ABCB1: variants seen among roughly 807,000 people sequenced by gnomAD.
ABCB1 encodes the protein ATP binding cassette subfamily B member 1, also known as ATP-dependent translocase ABCB1.
A neutral mutation model predicts 142.0 loss-of-function variants in ABCB1; 69 were observed. The observed-to-expected ratio is 0.49, with a 90% CI of 0.40 to 0.59. ABCB1 has a LOEUF of 0.59. Ranked by LOEUF, ABCB1 falls within the 20% of genes least tolerant of loss-of-function variation. The probability of loss-of-function intolerance (pLI) is 0.00; values close to 1 mark genes in which losing one functional copy is unlikely to be tolerated. For synonymous variants in ABCB1, 532 were observed against 539.2 expected (o/e 0.99, Z 0.18); for missense variants, 1,326 against 1,554.7 (o/e 0.85, Z 2.47).
chr7:87,534,929 A>C lies in ABCB1; in HGVS notation c.2481+1529T>G, dbSNP rs1350975864. ...GACCCTGTCTCTTTAAAAAAAAAAA[A>C]AAAAAAAAAAACTCCATTTTTTTTT... On this transcript the variant is annotated intron_variant, in intron 20 of 27. Transcript: ENST00000622132. 5.6e-5 allele frequency among the ~76,000 whole-genome samples: 8 copies of C among 142,100 alleles called. No individual in the cohort carries two copies. In the South Asian group the frequency reaches 1.1e-3, roughly 19 times the overall value. 93.2% of individuals were successfully genotyped at this position (142,100 alleles called of 152,430 possible).
rs1009482461 is a variant in ABCB1, at chr7:87,661,264, A to T, written c.-331+51897T>A. Among the ~76,000 whole-genome samples the T allele has an allele frequency of 1.8e-4, 28 of 151,926 alleles. 1 individual carries two copies. The highest frequency in any genetic ancestry group is 3.8e-4 in the Non-Finnish European group (26 of 67,918). ...CATTCATTTTTTTGCATTACAAACA[A>T]TTCAATTATACTCTTTTAGTTATTT... is the stretch of plus-strand genomic sequence containing the variant. On this transcript the variant is annotated intron_variant, in intron 1 of 28. Coordinates refer to the ABCB1 transcript ENST00000265724.
rs1327934873 is a variant in ABCB1 at position 87,705,309 on chromosome 7, C to A, written c.-331+7852G>T. 6.6e-5 allele frequency among the ~76,000 whole-genome samples: 10 copies of A among 152,064 alleles called. 1 individual carries two copies. The highest frequency in any genetic ancestry group is 1.5e-5 in the Non-Finnish European group (1 of 68,002). On this transcript the variant is annotated intron_variant, in intron 1 of 28. Coordinates refer to the ABCB1 transcript ENST00000265724. ...GGAGTGGTAGCGCATGCCTGTAATCCCAGCTACTTGGGAGGCTGAGGCAGG... is the reference window on the plus strand; with the variant it reads ...GGAGTGGTAGCGCATGCCTGTAATCACAGCTACTTGGGAGGCTGAGGCAGG...
At chr7:87,577,572 A>T (rs1429782375) in intron 4 of ABCB1, among the ~76,000 whole-genome samples, 1 of 152,172 alleles carries the variant, frequency 6.6e-6, no homozygotes, top group African/African-American at 2.4e-5. Context: ...TTTTCTCCAC[A>T]TCCTCGCCAG....
intron 1 of ABCB1, among the ~76,000 whole-genome samples, chr7:87,698,181 G>A (rs1162519344): frequency 6.6e-6 from 1 of 152,036 alleles, no homozygotes; most frequent in African/African-American, 2.4e-5. Context: ...CTCACTGCAA[G>A]CTCCACCTCC....
chr7:87,619,719 T>C (rs539833708), intron 1 of ABCB1, among the ~76,000 whole-genome samples: 52 of 151,474 alleles, frequency 3.4e-4, no homozygotes, highest in African/African-American at 1.3e-3. Context: ...TGTAAACTTA[T>C]TTTTATATAT....
In ABCB1 at chr7:87,706,286, GT is replaced by G. The variant is rs199577254; in HGVS notation, c.-331+6874del. 2.2e-4 allele frequency among the ~76,000 whole-genome samples: 33 copies of G among 149,356 alleles called. 1 individual carries two copies. The highest frequency in any genetic ancestry group is 4.2e-4 in the South Asian group (2 of 4,730). ...AGTGCAGTGGGGGAGCTACTTGAGA[GT>G]TTTTTTTTTAAGTGATAGAATACTG... On this transcript the variant is annotated intron_variant, in intron 1 of 28. Coordinates refer to the ABCB1 transcript ENST00000265724.
At chr7:87,562,106 T>C (rs1209341012) in intron 7 of ABCB1, among the ~76,000 whole-genome samples, 1 of 152,238 alleles carries the variant, frequency 6.6e-6, no homozygotes, top group Non-Finnish European at 1.5e-5. Flanking sequence ...GTAAGTAACA[T>C]TGATCTATCC....
At chr7:87,630,340 T>C (rs1821090162) in intron 1 of ABCB1, among the ~76,000 whole-genome samples, 1 of 152,258 alleles carries the variant, frequency 6.6e-6, no homozygotes, top group Non-Finnish European at 1.5e-5. Flanking sequence ...ACCTTCTTCA[T>C]TGACTGTATT....
At chr7:87,664,514 G>A (rs1159097083) in intron 1 of ABCB1, among the ~76,000 whole-genome samples, 1 of 152,094 alleles carries the variant, frequency 6.6e-6, no homozygotes, top group African/African-American at 2.4e-5. Context: ...ATGATGTAAG[G>A]TGTAACTCTT....
rs149038363 is a variant in ABCB1 at position 87,541,374 on chromosome 7, T to C, written c.2302A>G (p.Ile768Val). The part of the protein sequence containing the change: ...LFLALGIISF[I>V]TFFLQGFTFG... ...ACATTTACCTGAAGGAAAAATGTAA[T>C]AAAAGAAATAATTCCAAGGGCTAGA... is the stretch of plus-strand genomic sequence containing the variant. The change falls in exon 18 of 28, where the codon ATT becomes GTT. Residue 768 changes from isoleucine to valine, a missense_variant. By Grantham distance (29) the Ile-to-Val change is conservative. Transcript: ENST00000622132. 11 of 1,580,020 alleles carry C rather than the reference T, an allele frequency of 7.0e-6. No homozygotes were observed. Among genetic ancestry groups the C allele is most frequent in the Non-Finnish European group, 9.6e-6 (11 of 1,149,320 alleles).
chr7:87,598,451 G>A (rs932131698), intron 2 of ABCB1, among the ~76,000 whole-genome samples: 1 of 152,128 alleles, frequency 6.6e-6, no homozygotes, highest in African/African-American at 2.4e-5. Flanking sequence ...ACTCGGTTAA[G>A]GTGCTAACTG....
chr7:87,553,845 C>T lies in ABCB1; in HGVS notation c.915G>A (p.Leu305=). Residue 305 remains leucine (L), a synonymous_variant, in exon 9 of 28, where the codon CTG becomes CTA. Coordinates refer to ENST00000622132, the MANE Select transcript of ABCB1 (RefSeq NM_001348946.2). The part of the protein sequence containing the change: ...ANISIGAAFL[L]IYASYALAFW... ...AGGCCAGAGCATAAGATGCATAGAT[C>T]AGCAGGAAAGCAGCACCTATAGAAA... 6.2e-7 allele frequency: 1 copy of T among 1,614,072 alleles called. No individual in the cohort carries two copies. Among genetic ancestry groups the T allele is most frequent in the Non-Finnish European group, 8.5e-7 (1 of 1,179,930 alleles).
intron 4 of ABCB1, among the ~76,000 whole-genome samples, chr7:87,580,070 G>A (rs1818446206): frequency 6.6e-6 from 1 of 152,106 alleles, no homozygotes; most frequent in Non-Finnish European, 1.5e-5. Context: ...CTCAAGATAT[G>A]AGTAAGTTAT....
At chr7:87,635,771 G>T (rs1304988458) in intron 1 of ABCB1, among the ~76,000 whole-genome samples, 3 of 152,142 alleles carry the variant, frequency 2.0e-5, no homozygotes, top group African/African-American at 7.2e-5. Context: ...TTGCTTTCTT[G>T]TAGTTAATAC....
At chr7:87,578,324 A>G (rs904466966) in intron 4 of ABCB1, among the ~76,000 whole-genome samples, 3 of 152,142 alleles carry the variant, frequency 2.0e-5, no homozygotes, top group Non-Finnish European at 4.4e-5. Flanking sequence ...CTAGCTCTGT[A>G]GTATAATTTG....
At chr7:87,688,035 C>A (rs1157383545) in intron 1 of ABCB1, among the ~76,000 whole-genome samples, 1 of 152,060 alleles carries the variant, frequency 6.6e-6, no homozygotes, top group African/African-American at 2.4e-5. Flanking sequence ...TATACTCAGG[C>A]CAAAACATGA....
intron 14 of ABCB1, among the ~76,000 whole-genome samples, chr7:87,546,457 G>A (rs544745504): frequency 3.3e-5 from 5 of 151,992 alleles, no homozygotes; most frequent in African/African-American, 7.2e-5. Flanking sequence ...GCATGGTGGC[G>A]GGTGCCTGTA....
At chr7:87,522,823 A>C (rs1447244641) in intron 21 of ABCB1, among the ~76,000 whole-genome samples, 1 of 152,174 alleles carries the variant, frequency 6.6e-6, no homozygotes, top group Non-Finnish European at 1.5e-5. Context: ...ATATTTAAAA[A>C]GATTGGAATG....
In ABCB1 at chr7:87,566,229, C is replaced by T; in HGVS notation, c.543G>A (p.Lys181=). Residue 181 remains lysine (K), a synonymous_variant, in exon 7 of 28, where the codon AAG becomes AAA. Coordinates refer to ENST00000622132, the MANE Select transcript of ABCB1 (RefSeq NM_001348946.2). The part of the protein sequence containing the change: ...LNTRLTDDVS[K]INEGIGDKIG... The stretch of plus-strand genomic sequence containing the variant: ...TTTTGTCACCAATTCCTTCATTAAT[C>T]TTGGAGACATCACTGAAAGAACAGA... 6.2e-7 allele frequency: 1 copy of T among 1,613,964 alleles called. No individual in the cohort carries two copies. The highest frequency in any genetic ancestry group is 8.5e-7 in the Non-Finnish European group (1 of 1,179,834).
Sources: gnomAD v4.1 joint callset for allele counts (sites outside exome capture counted in the v4.1 genomes callset) on GRCh38, gnomAD v4.1.1 for gene constraint, MANE v1.5 for transcripts, NCBI Gene and HGNC (gene_info 2026-07-23, HGNC 2026-07-21) for gene names.